TRIOBP: variants seen among roughly 807,000 people sequenced by gnomAD.
TRIOBP encodes the protein TRIO and F-actin binding protein.
Under a neutral mutation model 238.8 loss-of-function variants are expected in TRIOBP, and 169 were observed. The observed-to-expected ratio is 0.71, with a 90% confidence interval of 0.62 to 0.80. The LOEUF is 0.80. TRIOBP is among the 30% of genes least tolerant of loss of function. The pLI is 0.00. For missense variants in TRIOBP, 2,838 were observed against 3,122.6 expected (o/e 0.91, Z 2.17); for synonymous variants, 1,150 against 1,274.4 (o/e 0.90, Z 2.08).
At chr22:37,762,220 T>C (rs962067333) in intron 17 of TRIOBP, among the ~76,000 whole-genome samples, 1 of 152,134 alleles carries the variant, frequency 6.6e-6, no homozygotes, top group Non-Finnish European at 1.5e-5. Flanking sequence ...TACACCACCA[T>C]GCCTGGCTAA....
intron 17 of TRIOBP, 124 bp downstream of exon 17, chr22:37,759,388 A>G: frequency 1.6e-6 from 2 of 1,269,150 alleles, no homozygotes; most frequent in Middle Eastern, 1.8e-4. Flanking sequence ...GGCATTTGAC[A>G]TGCGTCATCT....
intron 6 of TRIOBP, among the ~76,000 whole-genome samples, chr22:37,719,913 G>T (rs1000323754): frequency 4.2e-5 from 5 of 117,808 alleles, no homozygotes; most frequent in Admixed American, 3.9e-4. Flanking sequence ...CCCTGAACCT[G>T]CCAATTTATA....
At chr22:37,712,303 A>G (rs1923290601) in intron 4 of TRIOBP, among the ~76,000 whole-genome samples, 1 of 151,490 alleles carries the variant, frequency 6.6e-6, no homozygotes, top group Non-Finnish European at 1.5e-5. Flanking sequence ...TTCCAGGCAT[A>G]CACCACCACA....
rs59525183 is a variant in TRIOBP, at chr22:37,772,932, A to G, written c.*2+168A>G. 3.4e-3 allele frequency among the ~76,000 whole-genome samples: 520 copies of G among 152,284 alleles called. 3 individuals carry two copies. Among genetic ancestry groups the G allele is most frequent in the African/African-American group, 0.012 (496 of 41,572 alleles). On this transcript the variant is annotated intron_variant, in intron 23 of 23. Transcript: ENST00000644935. ...AACACGGGGTTGTTGCAGAGATCCC[A>G]TCAGACCCGGGCCACAGGCTGCTTC... is the stretch of plus-strand genomic sequence containing the variant.
rs779287533 is a variant in TRIOBP, at chr22:37,751,667, G to C, written c.5323-105G>C. 7 of 1,339,494 alleles carry C rather than the reference G, an allele frequency of 5.2e-6. 1 individual carries two copies. In the Admixed American group the frequency reaches 1.1e-4, roughly 21 times the overall value. 83.0% of individuals were successfully genotyped at this position (1,339,494 alleles called of 1,614,324 possible). ...CTCTTGGCTGGCTTCCCAGGAGCTC[G>C]GTCCCACAGGACTTGGGGACAGGGT... On this transcript the variant is annotated intron_variant, in intron 11 of 23. Coordinates refer to ENST00000644935, the MANE Select transcript of TRIOBP (RefSeq NM_001039141.3).
At chr22:37,745,910 C>T (rs554273841) in intron 11 of TRIOBP, among the ~76,000 whole-genome samples, 3 of 152,248 alleles carry the variant, frequency 2.0e-5, no homozygotes, top group African/African-American at 4.8e-5. Context: ...CGGCCGCCCG[C>T]ATCCTCCGCC....
At chr22:37,732,311 G>A (rs897539937) in intron 7 of TRIOBP, among the ~76,000 whole-genome samples, 1 of 152,046 alleles carries the variant, frequency 6.6e-6, no homozygotes, top group Non-Finnish European at 1.5e-5. Context: ...GATCTTCATC[G>A]GATGCGTCAA....
At chr22:37,771,554 G>C (rs1926771870) in intron 21 of TRIOBP, 96 bp from the exon 22 acceptor site, 1 of 1,091,412 alleles carries the variant, frequency 9.2e-7, no homozygotes, top group African/African-American at 1.6e-5. Context: ...CTGCATTCTA[G>C]GGGCCTGAGG....
chr22:37,775,936 G>A lies in TRIOBP; in HGVS notation c.*2156G>A, dbSNP rs1252280177. 6.6e-6 allele frequency: 1 copy of A among 152,132 alleles called. No individual in the cohort carries two copies. Among genetic ancestry groups the A allele is most frequent in the African/African-American group, 2.4e-5 (1 of 41,400 alleles). 9.4% of individuals were successfully genotyped at this position (152,132 alleles called of 1,614,324 possible). A position where few individuals can be genotyped will look rare whatever the true frequency, so the allele number is the denominator to read the frequency against. The stretch of plus-strand genomic sequence containing the variant: ...CTCCGGCCTTGTGCTGCCCTGTCTC[G>A]GCACTGCTTGCCTTAGGAGATCAGG... On this transcript the variant is annotated 3_prime_UTR_variant, in exon 24 of 24. Transcript: ENST00000644935.
chr22:37,759,965 C>A, intron 17 of TRIOBP: 1 of 212,162 alleles, frequency 4.7e-6, no homozygotes. Context: ...TTCCGTACAG[C>A]AAATGGATTT....
chr22:37,708,412 A>G (rs551406723), intron 3 of TRIOBP, among the ~76,000 whole-genome samples: 1 of 152,134 alleles, frequency 6.6e-6, no homozygotes, highest in Admixed American at 6.5e-5. Flanking sequence ...TTAGCCGGGC[A>G]TGGTGTCGGG....
At position 37,755,533 on chromosome 22, in the gene TRIOBP, A is replaced by T; in HGVS notation, c.5578-17A>T. 1 of 1,611,042 alleles carries T rather than the reference A, an allele frequency of 6.2e-7. No homozygotes were observed. Among genetic ancestry groups the T allele is most frequent in the East Asian group, 2.2e-5 (1 of 44,858 alleles). ...CGGCTGGCCATGTGGCAACCTACCCATGCGGTGGCCTTGCAGACCAAGGAT... is the reference window on the plus strand; with the variant it reads ...CGGCTGGCCATGTGGCAACCTACCCTTGCGGTGGCCTTGCAGACCAAGGAT... On this transcript the variant is annotated splice_polypyrimidine_tract_variant and intron_variant, in intron 14 of 23. Transcript: ENST00000644935.
chr22:37,723,590 C>T lies in TRIOBP; in HGVS notation c.1034C>T (p.Pro345Leu), dbSNP rs372225807. 6.8e-6 allele frequency: 11 copies of T among 1,614,132 alleles called. No homozygotes were observed. The highest frequency in any genetic ancestry group is 3.3e-5 in the South Asian group (3 of 91,088). ...TGGAACACCCCCAGAGCTTCCTCTC[C>T]CTCACGAAGCACCCAACTGGATAAC... Reference protein sequence around the residue: ...TQWNTPRASSPSRSTQLDNPR... With the variant: ...TQWNTPRASSLSRSTQLDNPR... Residue 345 changes from proline to leucine, a missense_variant, in exon 7 of 24, where the codon CCC becomes CTC. Around this residue, in one of 5 missense-constraint regions of TRIOBP, gnomAD observed 535 missense variants for 537.3 expected, o/e 1.00. Transcript: ENST00000644935.
At chr22:37,752,185 G>C (rs1021172271) in intron 12 of TRIOBP, among the ~76,000 whole-genome samples, 16 of 152,188 alleles carry the variant, frequency 1.1e-4, no homozygotes, top group Non-Finnish European at 2.2e-4. Context: ...TGGTCTGAGG[G>C]GGGTGGGGCT....
chr22:37,769,487 G>GTGGC, intron 21 of TRIOBP, 112 bp downstream of exon 21: 1 of 1,081,076 alleles, frequency 9.3e-7, no homozygotes, highest in Non-Finnish European at 1.4e-6. Flanking sequence ...AAGTCTCCCA[G>GTGGC]TGGCTGGGCC....
intron 11 of TRIOBP, chr22:37,751,478 G>A (rs995140219): frequency 1.7e-5 from 8 of 484,780 alleles, no homozygotes; most frequent in Non-Finnish European, 2.3e-5. Flanking sequence ...CCATTCTTGG[G>A]CGAGGGGTCG....
rs71195050 is a variant in TRIOBP, at chr22:37,743,801, A to ATGTGTGTGTGTGTG, written c.5322+2800_5322+2813dup. 9.2e-3 allele frequency among the ~76,000 whole-genome samples: 1,054 copies of ATGTGTGTGTGTGTG among 114,140 alleles called. 21 individuals are homozygous for ATGTGTGTGTGTGTG. Among genetic ancestry groups the ATGTGTGTGTGTGTG allele is most frequent in the African/African-American group, 0.014 (430 of 30,328 alleles). The allele number at this position is 114,140 out of a possible 152,430, so 74.9% of individuals were successfully genotyped here. ...GGGGAAGGGGAGAAAGAGAGAGAGAATGTGTGTGTGTGTGTGTGTGTGTGT... is the reference window on the plus strand; with the variant it reads ...GGGGAAGGGGAGAAAGAGAGAGAGAATGTGTGTGTGTGTGTGTGTGTGTGTGTGTGTGTGTGTGT... On this transcript the variant is annotated intron_variant, in intron 11 of 23. Coordinates refer to ENST00000644935, the MANE Select transcript of TRIOBP (RefSeq NM_001039141.3).
At position 37,701,326 on chromosome 22, in the gene TRIOBP, C is replaced by T. The variant is rs1331064291; in HGVS notation, c.-40C>T. ...GCCAGGCCTCACATAGACGGTCAGCCATTGGATCATAGGAACTGCCCTGGC... is the reference window on the plus strand; with the variant it reads ...GCCAGGCCTCACATAGACGGTCAGCTATTGGATCATAGGAACTGCCCTGGC... On this transcript the variant is annotated 5_prime_UTR_variant, in exon 3 of 24. Coordinates refer to ENST00000644935, the MANE Select transcript of TRIOBP (RefSeq NM_001039141.3). 2.6e-6 allele frequency: 4 copies of T among 1,522,298 alleles called. No homozygotes were observed. Among genetic ancestry groups the T allele is most frequent in the Non-Finnish European group, 3.6e-6 (4 of 1,105,284 alleles). The allele number at this position is 1,522,298 out of a possible 1,614,324, so 94.3% of individuals were successfully genotyped here. A position where few individuals can be genotyped will look rare whatever the true frequency, so the allele number is the denominator to read the frequency against.
rs1441200320 is a variant in TRIOBP at position 37,734,630 on chromosome 22, G to T, written c.4294G>T (p.Glu1432Ter). Residue 1432 changes from glutamate (E) to a stop codon, truncating the protein, a stop_gained, in exon 9 of 24, where the codon GAA becomes TAA. Coordinates refer to ENST00000644935, the MANE Select transcript of TRIOBP (RefSeq NM_001039141.3). LOFTEE classifies it high-confidence loss of function. ...TCTGGGGGTGTGGCAGAGTCAGGAG[G>T]AACCGCCAGGGTCCCAGGGCCCTCA... Reference protein sequence around the residue: ...QPLGVWQSQEEPPGSQGPHRH... With the variant: ...QPLGVWQSQE The T allele has an allele frequency of 6.9e-6, 11 of 1,588,142 alleles. No homozygotes were observed. Among genetic ancestry groups the T allele is most frequent in the Non-Finnish European group, 9.4e-6 (11 of 1,167,780 alleles).
Sources: gnomAD v4.1 joint callset for allele counts (sites outside exome capture counted in the v4.1 genomes callset) on GRCh38, gnomAD v4.1.1 for gene constraint, gnomAD v4.1.1 regional missense constraint, MANE v1.5 for transcripts, NCBI Gene and HGNC (gene_info 2026-07-23, HGNC 2026-07-21) for gene names.